The following MACF1 variants were observed in gnomAD, a reference collection of about 807,000 sequenced individuals.
The protein encoded by MACF1 is microtubule actin crosslinking factor 1, also known as microtubule-actin cross-linking factor 1.
MACF1 carries 193 observed loss-of-function variants against 854.8 expected under a neutral mutation model. The ratio of observed to expected loss-of-function variants is 0.23; its 90% CI spans 0.20 to 0.25. The LOEUF is 0.25. Among genes scored for constraint, MACF1 ranks in the 10% least tolerant of loss-of-function variants. The pLI is 1.00. For missense variants in MACF1, 7,722 were observed against 8,929.1 expected (o/e 0.86, Z 5.45); for synonymous variants, 3,185 against 3,226.7 (o/e 0.99, Z 0.44).
chr1:39,101,621 G>A (rs1253378628), intron 2 of MACF1, among the ~76,000 whole-genome samples: 2 of 151,096 alleles, frequency 1.3e-5, no homozygotes, highest in African/African-American at 4.9e-5. Flanking sequence ...TCAGGAGATG[G>A]AGACCATCCT....
chr1:39,293,680 G>A (rs1645841069), intron 18 of MACF1, 61 bp downstream of exon 18: 1 of 1,517,856 alleles, frequency 6.6e-7, no homozygotes. Flanking sequence ...AGGAGACAGG[G>A]CCTAGTCTGC....
chr1:39,364,013 A>G (rs1021394508), intron 49 of MACF1, among the ~76,000 whole-genome samples: 1 of 152,216 alleles, frequency 6.6e-6, no homozygotes, highest in African/African-American at 2.4e-5. Context: ...TTGGAAGTGT[A>G]TCCTCAGAAT....
At chr1:39,253,454 G>T (rs1645064020) in intron 4 of MACF1, among the ~76,000 whole-genome samples, 1 of 145,844 alleles carries the variant, frequency 6.9e-6, no homozygotes, top group Non-Finnish European at 1.5e-5. Context: ...TTTTTCACTT[G>T]TTTCTTGAGC....
rs1646742370 is a variant in MACF1 at position 39,332,351 on chromosome 1, T to C, written c.5763T>C (p.Cys1921=). Residue 1921 remains cysteine (C), a synonymous_variant, in exon 37 of 101, where the codon TGT becomes TGC. Coordinates refer to ENST00000564288, the MANE Select transcript of MACF1 (RefSeq NM_001394062.1). ...TTGCCAATAACTTAAAATCGATTTGTATACCTGATGTGATGCCCCACATGC... is the reference window on the plus strand; with the variant it reads ...TTGCCAATAACTTAAAATCGATTTGCATACCTGATGTGATGCCCCACATGC... The part of the protein sequence containing the change: ...RDLANNLKSI[C]IPDVMPHMQL... The C allele has an allele frequency of 6.2e-7, 1 of 1,613,972 alleles. No individual in the cohort carries two copies. The highest frequency in any genetic ancestry group is 8.5e-7 in the Non-Finnish European group (1 of 1,180,026).
At chr1:39,112,458 A>T (rs1478295629) in intron 2 of MACF1, among the ~76,000 whole-genome samples, 1 of 152,126 alleles carries the variant, frequency 6.6e-6, no homozygotes, top group African/African-American at 2.4e-5. Flanking sequence ...CAAGGCGGGC[A>T]GATCACTTGA....
intron 2 of MACF1, among the ~76,000 whole-genome samples, chr1:39,101,971 T>G (rs1188488351): frequency 1.3e-5 from 2 of 150,682 alleles, no homozygotes; most frequent in African/African-American, 4.9e-5. Flanking sequence ...GGTCAGGAGA[T>G]CGAGACCATC....
At chr1:39,176,125 A>AAAAAAAAAAAAAAAAAAAAAAAAC (rs1383173102) in intron 2 of MACF1, among the ~76,000 whole-genome samples, 1 of 132,008 alleles carries the variant, frequency 7.6e-6, no homozygotes, top group Non-Finnish European at 1.7e-5. Context: ...AAAAAAAAAA[A>AAAAAAAAAAAAAAAAAAAAAAAAC]AAGCCAGGTG....
At position 39,485,926 on chromosome 1, in the gene MACF1, AT is replaced by A. The variant is rs1645096082; in HGVS notation, c.*140del. 1.8e-5 allele frequency: 19 copies of A among 1,069,008 alleles called. No individual in the cohort carries two copies. The highest frequency in any genetic ancestry group is 6.3e-5 in the East Asian group (2 of 31,738). 66.2% of individuals were successfully genotyped at this position (1,069,008 alleles called of 1,614,324 possible). A position where few individuals can be genotyped will look rare whatever the true frequency, so the allele number is the denominator to read the frequency against. The stretch of plus-strand genomic sequence containing the variant: ...AATAATTGTGTTATGAAGCTGCCTT[AT>A]TTTTTTTCTTTTTGTAAGTTACTAT... On this transcript the variant is annotated 3_prime_UTR_variant, in exon 101 of 101. Coordinates refer to ENST00000564288, the MANE Select transcript of MACF1 (RefSeq NM_001394062.1).
At position 39,331,737 on chromosome 1, in the gene MACF1, T is replaced by C. The variant is rs574098894; in HGVS notation, c.5149T>C (p.Cys1717Arg). Residue 1717 changes from cysteine to arginine, a missense_variant, in exon 37 of 101, where the codon TGT becomes CGT. Cys to Arg is a radical substitution (Grantham distance 180). Transcript: ENST00000564288. ...KIGLLDLMQR[C>R]IVHQESGFKL... ...TGGTTTGCTGGATCTGATGCAGCGA[T>C]GTATTGTCCACCAGGAATCAGGATT... 2.5e-6 allele frequency: 4 copies of C among 1,614,206 alleles called. No homozygotes were observed. The highest frequency in any genetic ancestry group is 1.3e-5 in the African/African-American group (1 of 75,044).
chr1:39,398,168 C>G (rs896260391), intron 58 of MACF1, among the ~76,000 whole-genome samples: 3 of 144,516 alleles, frequency 2.1e-5, no homozygotes, highest in Non-Finnish European at 4.5e-5. Flanking sequence ...TAAACAGTTT[C>G]ACTCCCATCA....
At chr1:39,327,804 G>T (rs959221217) in intron 36 of MACF1, among the ~76,000 whole-genome samples, 1 of 152,168 alleles carries the variant, frequency 6.6e-6, no homozygotes, top group Non-Finnish European at 1.5e-5. Flanking sequence ...TGGTAGAGTA[G>T]TTTCACTGAC....
intron 2 of MACF1, among the ~76,000 whole-genome samples, chr1:39,151,511 C>A (rs960701527): frequency 6.6e-6 from 1 of 152,240 alleles, no homozygotes; most frequent in East Asian, 1.9e-4. Context: ...ATTATTCTTC[C>A]GAAGTAGAAA....
Position 39,334,429 on chromosome 1 carries a change from T to A in MACF1, c.7841T>A (p.Met2614Lys). ...AATGAAGCAGTATTGTCTCCAGGAATGATGCATGGCATTGTAGATCCCGAG... is the reference window on the plus strand; with the variant it reads ...AATGAAGCAGTATTGTCTCCAGGAAAGATGCATGGCATTGTAGATCCCGAG... ...LTNEAVLSPG[M>K]MHGIVDPENC... is the part of the protein sequence containing the mutation. Residue 2614 changes from methionine to lysine, a missense_variant, in exon 37 of 101, where the codon ATG becomes AAG. By Grantham distance (95) the Met-to-Lys change is moderately conservative. Transcript: ENST00000564288. 1.9e-6 allele frequency: 3 copies of A among 1,614,092 alleles called. No individual in the cohort carries two copies. Among genetic ancestry groups the A allele is most frequent in the Non-Finnish European group, 2.5e-6 (3 of 1,179,970 alleles).
intron 2 of MACF1, among the ~76,000 whole-genome samples, chr1:39,151,298 T>C (rs1455619283): frequency 6.6e-6 from 1 of 152,262 alleles, no homozygotes; most frequent in Non-Finnish European, 1.5e-5. Flanking sequence ...TTGATAACAG[T>C]AGTACTTTCT....
intron 56 of MACF1, among the ~76,000 whole-genome samples, chr1:39,385,224 C>T (rs565699449): frequency 6.6e-5 from 10 of 152,174 alleles, no homozygotes; most frequent in South Asian, 2.1e-4. Flanking sequence ...TTCACCAGCA[C>T]GCCCCACTAA....
In MACF1 at chr1:39,340,924, A is replaced by G; in HGVS notation, c.10552A>G (p.Ser3518Gly). The G allele has an allele frequency of 1.2e-6, 2 of 1,612,556 alleles. No individual in the cohort carries two copies. Among genetic ancestry groups the G allele is most frequent in the Non-Finnish European group, 1.7e-6 (2 of 1,179,356 alleles). Reference sequence around the variant, plus strand: ...ATCTAACAGTGAAATAGATGTTGACAGCCTGAACCTCTGCCTCCAACAGTA... The same window carrying G: ...ATCTAACAGTGAAATAGATGTTGACGGCCTGAACCTCTGCCTCCAACAGTA... Reference protein sequence around the residue: ...KGSNSEIDVDSLNLCLQQYED... With the variant: ...KGSNSEIDVDGLNLCLQQYED... Residue 3518 changes from serine (S) to glycine (G), a missense_variant, in exon 40 of 101, where the codon AGC becomes GGC. Physicochemically the swap from Ser to Gly is moderately conservative, Grantham distance 56. Transcript: ENST00000564288.
chr1:39,239,812 C>T (rs1291233892), intron 2 of MACF1, among the ~76,000 whole-genome samples: 8 of 152,150 alleles, frequency 5.3e-5, no homozygotes, highest in Admixed American at 5.2e-4. Flanking sequence ...TCTAGAAGCC[C>T]CTGGCTTTCC....
chr1:39,355,394 C>T (rs184503684), intron 44 of MACF1, among the ~76,000 whole-genome samples: 1,653 of 151,800 alleles, frequency 0.011, 11 homozygotes, highest in Middle Eastern at 0.056. Flanking sequence ...GTTGTAGTAC[C>T]GCTCCCACTT....
rs748874281 is a variant in MACF1, at chr1:39,439,443, C to T, written c.18390C>T (p.Asp6130=). Reference sequence around the variant, plus strand: ...AAGACACCCAGGATATTGTCCATGACTTGGAAAGCCCAGGCATTGATCCTT... The same window carrying T: ...AAGACACCCAGGATATTGTCCATGATTTGGAAAGCCCAGGCATTGATCCTT... ...TIKDTQDIVH[D]LESPGIDPSI... The change falls in exon 72 of 101, where the codon GAC becomes GAT. Residue 6130 remains aspartate (D), a synonymous_variant. Coordinates refer to ENST00000564288, the MANE Select transcript of MACF1 (RefSeq NM_001394062.1). The T allele has an allele frequency of 2.3e-5, 37 of 1,614,064 alleles. No homozygotes were observed. The South Asian group carries it at 3.5e-4, about 15-fold the overall frequency.
Sources: allele counts gnomAD v4.1 joint callset (sites outside exome capture counted in the v4.1 genomes callset), GRCh38; gene constraint gnomAD v4.1.1; transcripts MANE v1.5; gene names NCBI Gene and HGNC (gene_info 2026-07-23, HGNC 2026-07-21).